The following ZNF236 variants were observed in gnomAD, a reference collection of about 807,000 sequenced individuals.
The protein encoded by ZNF236 is zinc finger protein 236.
In ZNF236, 50 loss-of-function variants were observed where a neutral mutation model predicts 191.2. The ratio of observed to expected loss-of-function variants is 0.26; its 90% CI spans 0.21 to 0.33. The LOEUF is 0.33. ZNF236 is among the 10% of genes least tolerant of loss of function. The pLI, the probability that ZNF236 is intolerant of heterozygous loss-of-function variation, is 1.00. For missense variants in ZNF236, 1,754 were observed against 2,374.5 expected (o/e 0.74, Z 5.43); for synonymous variants, 907 against 928.8 (o/e 0.98, Z 0.43).
At chr18:76,823,162 G>A (rs1025268947) in intron 1 of ZNF236, among the ~76,000 whole-genome samples, 1 of 151,978 alleles carries the variant, frequency 6.6e-6, no homozygotes, top group East Asian at 1.9e-4. Context: ...CCCCGGGGAC[G>A]TTGGGCTCGG....
At chr18:76,885,097 G>C (rs1977010128) in intron 9 of ZNF236, 2 of 152,230 alleles carry the variant, frequency 1.3e-5, no homozygotes, top group African/African-American at 4.8e-5. Context: ...TCCCGCCCTG[G>C]AAGAGTACCT....
Position 76,971,045 on chromosome 18 carries a change from G to C in ZNF236, c.*2706G>C, listed in dbSNP as rs114007454. ...AGGAACCTTTTGAAAGTTCCTAAGT[G>C]TTTTGATCCTGCTTGTGTGCTCAAG... is the stretch of plus-strand genomic sequence containing the variant. On this transcript the variant is annotated 3_prime_UTR_variant, in exon 31 of 31. Transcript: ENST00000320610. Among the ~76,000 whole-genome samples, 1,780 of 152,356 alleles carry C rather than the reference G, an allele frequency of 0.012. 26 individuals carry two copies. Among genetic ancestry groups the C allele is most frequent in the African/African-American group, 0.037 (1,529 of 41,586 alleles).
intron 27 of ZNF236, among the ~76,000 whole-genome samples, chr18:76,950,579 C>T: frequency 6.8e-6 from 1 of 147,572 alleles, no homozygotes; most frequent in East Asian, 2.0e-4. Flanking sequence ...GGCTCCATTT[C>T]TAATTCTGTT....
chr18:76,911,335 A>C (rs1044939901), intron 16 of ZNF236, among the ~76,000 whole-genome samples: 1 of 151,964 alleles, frequency 6.6e-6, no homozygotes, highest in Middle Eastern at 3.2e-3. Context: ...ATCCCTCTTT[A>C]AAATCCACCG....
chr18:76,837,974 T>A (rs929695588), intron 1 of ZNF236, among the ~76,000 whole-genome samples: 1 of 152,258 alleles, frequency 6.6e-6, no homozygotes, highest in Admixed American at 6.5e-5. Flanking sequence ...ATTAGTTATT[T>A]GTGTATCACT....
At chr18:76,923,198 T>C (rs768061174) in intron 21 of ZNF236, 24 bp downstream of exon 21, 2 of 1,455,170 alleles carry the variant, frequency 1.4e-6, no homozygotes, top group East Asian at 4.5e-5. Flanking sequence ...GCCTGCGTCA[T>C]TGGTAGAGGT....
intron 1 of ZNF236, chr18:76,824,362 G>C (rs1568181322): frequency 2.6e-6 from 2 of 780,998 alleles, no homozygotes; most frequent in Admixed American, 3.4e-5. Flanking sequence ...CACCTCATGG[G>C]CCTTTGTGGG....
chr18:76,859,645 A>G (rs566575645), intron 3 of ZNF236, among the ~76,000 whole-genome samples: 1 of 152,282 alleles, frequency 6.6e-6, no homozygotes, highest in East Asian at 1.9e-4. Context: ...TCACAAAGAC[A>G]TGATGTTATT....
intron 30 of ZNF236, among the ~76,000 whole-genome samples, chr18:76,961,367 TTGTGTGTGTGTGTGTGTGTG>T (rs58383689): frequency 6.1e-5 from 9 of 146,836 alleles, no homozygotes; most frequent in East Asian, 2.0e-4. Context: ...TAGTATTCCA[TTGTGTGTGTGTGTGTGTGTG>T]TGTGTGTGTG....
chr18:76,951,675 CTT>C (rs1968414043), intron 27 of ZNF236, among the ~76,000 whole-genome samples: 1 of 152,226 alleles, frequency 6.6e-6, no homozygotes, highest in Non-Finnish European at 1.5e-5. Context: ...CTGGATAACA[CTT>C]TTAATTTCCT....
Position 76,851,858 on chromosome 18 carries a change from T to G in ZNF236, c.282T>G (p.Asp94Glu). 1 of 1,614,116 alleles carries G rather than the reference T, an allele frequency of 6.2e-7. No individual in the cohort carries two copies. The highest frequency in any genetic ancestry group is 1.1e-5 in the South Asian group (1 of 91,042). The stretch of plus-strand genomic sequence containing the variant: ...ATAAATGCACCCACAGCGGGGAAGA[T>G]CCTACCTGCCCTGTGTGTAACAAGA... ...TLHKCTHSGE[D>E]PTCPVCNKKF... Residue 94 changes from aspartate (D) to glutamate (E), a missense_variant, in exon 3 of 31, where the codon GAT becomes GAG. Asp to Glu is a conservative substitution (Grantham distance 45). Around this residue, in one of 5 missense-constraint regions of ZNF236, gnomAD observed 336 missense variants for 495.1 expected, o/e 0.68. Coordinates refer to ENST00000320610, the MANE Select transcript of ZNF236 (RefSeq NM_001306089.2).
intron 30 of ZNF236, among the ~76,000 whole-genome samples, chr18:76,966,821 A>G (rs1968788056): frequency 6.6e-6 from 1 of 152,214 alleles, no homozygotes; most frequent in African/African-American, 2.4e-5. Flanking sequence ...AGTGGCATCC[A>G]TCTCTGAGGA....
At chr18:76,916,841 A>G (rs1175398834) in intron 19 of ZNF236, among the ~76,000 whole-genome samples, 2 of 151,918 alleles carry the variant, frequency 1.3e-5, no homozygotes, top group African/African-American at 2.4e-5. Context: ...GTGTGGAGAC[A>G]GGGGTGCTAA....
chr18:76,943,174 A>C (rs1013603059), intron 26 of ZNF236, among the ~76,000 whole-genome samples: 9 of 152,026 alleles, frequency 5.9e-5, no homozygotes, highest in Non-Finnish European at 1.2e-4. Flanking sequence ...AATAGCAAAA[A>C]ATTTGGAATA....
chr18:76,891,207 A>G (rs1977221484), intron 9 of ZNF236, among the ~76,000 whole-genome samples: 1 of 151,794 alleles, frequency 6.6e-6, no homozygotes, highest in South Asian at 2.1e-4. Context: ...ATTTTTTTCT[A>G]ATTTGTTTGC....
intron 9 of ZNF236, among the ~76,000 whole-genome samples, chr18:76,892,866 C>CT (rs1472162974): frequency 1.3e-5 from 2 of 152,220 alleles, no homozygotes; most frequent in Admixed American, 1.3e-4. Flanking sequence ...CGCACCTGGA[C>CT]TTACTATTTG....
intron 19 of ZNF236, among the ~76,000 whole-genome samples, chr18:76,916,990 G>A (rs1967385467): frequency 6.6e-6 from 1 of 152,208 alleles, no homozygotes; most frequent in Non-Finnish European, 1.5e-5. Context: ...GGTTATGGCA[G>A]TCTACCTTTC....
chr18:76,897,590 T>C (rs113956429), intron 10 of ZNF236, among the ~76,000 whole-genome samples: 1,838 of 151,308 alleles, frequency 0.012, 26 homozygotes, highest in African/African-American at 0.042. Flanking sequence ...CCACACACAG[T>C]ACCAAACAGT....
chr18:76,824,252 C>A, intron 1 of ZNF236: 1 of 774,862 alleles, frequency 1.3e-6, no homozygotes, highest in Non-Finnish European at 2.4e-6. Context: ...TAGGCCACAC[C>A]AAACCAGGAA....
Sources: allele counts gnomAD v4.1 joint callset (sites outside exome capture counted in the v4.1 genomes callset), GRCh38; gene constraint gnomAD v4.1.1; regional missense constraint gnomAD v4.1.1; transcripts MANE v1.5; gene names NCBI Gene and HGNC (gene_info 2026-07-23, HGNC 2026-07-21).